The following EVI5 variants were observed in gnomAD, a reference collection of about 807,000 sequenced individuals.
EVI5 encodes ecotropic viral integration site 5.
EVI5 carries 73 observed loss-of-function variants against 112.0 expected under a neutral mutation model. The observed-to-expected ratio is 0.65, with a 90% CI of 0.54 to 0.79. EVI5 has a LOEUF of 0.79. Among genes scored for constraint, EVI5 ranks in the 30% least tolerant of loss-of-function variants. The pLI is 0.00. For missense variants in EVI5, 900 were observed against 968.8 expected (o/e 0.93, Z 0.94); for synonymous variants, 305 against 319.9 (o/e 0.95, Z 0.50).
At chr1:92,632,513 A>C (rs7521187) in intron 14 of EVI5, among the ~76,000 whole-genome samples, 109,448 of 151,692 alleles carry the variant, frequency 0.72, 40,297 homozygotes, top group East Asian at 0.94. Context: ...TCTGTGGGAT[A>C]GTTGGTGATA....
At chr1:92,612,695 A>G (rs1571884971) in intron 16 of EVI5, among the ~76,000 whole-genome samples, 4 of 145,974 alleles carry the variant, frequency 2.7e-5, no homozygotes. Flanking sequence ...GGGTGACAGA[A>G]TAAGACTCCA....
At chr1:92,747,887 T>A (rs1294864373) in intron 1 of EVI5, among the ~76,000 whole-genome samples, 18 of 152,084 alleles carry the variant, frequency 1.2e-4, no homozygotes, top group Admixed American at 1.0e-3. Context: ...ATGACCAGCA[T>A]TTCTTGGTTT....
intron 1 of EVI5, among the ~76,000 whole-genome samples, chr1:92,745,626 C>A (rs1036593962): frequency 6.6e-6 from 1 of 152,016 alleles, no homozygotes; most frequent in African/African-American, 2.4e-5. Flanking sequence ...CCAGCCTGGG[C>A]AACATAATGA....
intron 19 of EVI5, among the ~76,000 whole-genome samples, chr1:92,545,762 C>G (rs1217239114): frequency 2.0e-5 from 3 of 152,126 alleles, no homozygotes; most frequent in Non-Finnish European, 4.4e-5. Context: ...CTGAGCAGTG[C>G]AAGTCTCTCT....
chr1:92,694,161 C>T, intron 8 of EVI5, 138 bp downstream of exon 8: 1 of 619,074 alleles, frequency 1.6e-6, no homozygotes, highest in Non-Finnish European at 2.9e-6. Flanking sequence ...ACACAGAAGG[C>T]TGAAGCGGTA....
intron 17 of EVI5, 183 bp downstream of exon 17, chr1:92,607,398 C>A (rs1650658513): frequency 7.0e-6 from 3 of 425,746 alleles, no homozygotes; most frequent in Non-Finnish European, 1.2e-5. Context: ...GACTAAAATC[C>A]ACCCCAGAAG....
chr1:92,719,385 G>T (rs999803180), intron 2 of EVI5, among the ~76,000 whole-genome samples: 3 of 152,056 alleles, frequency 2.0e-5, no homozygotes, highest in African/African-American at 7.3e-5. Flanking sequence ...TGCAAGGCTG[G>T]TTCAACATAC....
intron 16 of EVI5, among the ~76,000 whole-genome samples, chr1:92,609,723 T>A (rs1017069687): frequency 5.3e-5 from 8 of 152,116 alleles, no homozygotes; most frequent in African/African-American, 1.9e-4. Context: ...CCTCGCCCTA[T>A]GAAAAAGACC....
chr1:92,672,293 C>T (rs1032693968), intron 10 of EVI5, among the ~76,000 whole-genome samples: 1 of 152,148 alleles, frequency 6.6e-6, no homozygotes, highest in Non-Finnish European at 1.5e-5. Flanking sequence ...TTACCACTGT[C>T]GACAACATCC....
At chr1:92,547,213 T>G (rs1008657606) in intron 19 of EVI5, among the ~76,000 whole-genome samples, 2 of 152,136 alleles carry the variant, frequency 1.3e-5, no homozygotes, top group African/African-American at 2.4e-5. Flanking sequence ...ACTGATCAAC[T>G]ACATGGAAAC....
At chr1:92,559,751 G>C (rs978663447) in intron 19 of EVI5, among the ~76,000 whole-genome samples, 1 of 110,918 alleles carries the variant, frequency 9.0e-6, no homozygotes, top group Non-Finnish European at 1.7e-5. Flanking sequence ...TCCAGCCTGG[G>C]AGACAGAGCA....
At chr1:92,632,565 T>C (rs1055947716) in intron 14 of EVI5, among the ~76,000 whole-genome samples, 4 of 152,172 alleles carry the variant, frequency 2.6e-5, no homozygotes, top group Admixed American at 2.6e-4. Flanking sequence ...GATTATTCTC[T>C]CTTTTCTTCT....
intron 18 of EVI5, among the ~76,000 whole-genome samples, chr1:92,572,833 T>C (rs1002965015): frequency 1.3e-5 from 2 of 152,064 alleles, no homozygotes; most frequent in African/African-American, 2.4e-5. Flanking sequence ...TATATGAATA[T>C]AAAGCTCATC....
At chr1:92,679,939 G>C (rs1426880177) in intron 9 of EVI5, among the ~76,000 whole-genome samples, 1 of 152,112 alleles carries the variant, frequency 6.6e-6, no homozygotes, top group East Asian at 1.9e-4. Flanking sequence ...TGTTGACCTT[G>C]ATCATCTGGC....
At chr1:92,759,587 A>T (rs938875792) in intron 1 of EVI5, among the ~76,000 whole-genome samples, 1 of 152,218 alleles carries the variant, frequency 6.6e-6, no homozygotes, top group African/African-American at 2.4e-5. Context: ...AAACTTTTTC[A>T]TCATCCCCAA....
intron 16 of EVI5, among the ~76,000 whole-genome samples, chr1:92,612,726 GA>G (rs11290213): frequency 0.45 from 49,808 of 109,616 alleles, 12,597 homozygotes; most frequent in East Asian, 0.74. Context: ...AAAAAAAAAG[GA>G]AAAAAAAAAA....
intron 19 of EVI5, among the ~76,000 whole-genome samples, chr1:92,521,804 G>A (rs1660984583): frequency 6.6e-6 from 1 of 151,948 alleles, no homozygotes; most frequent in Admixed American, 6.6e-5. Context: ...AAGCTTAACA[G>A]CATAAGAAAC....
intron 1 of EVI5, among the ~76,000 whole-genome samples, chr1:92,782,275 A>C (rs1684964467): frequency 6.6e-6 from 1 of 152,006 alleles, no homozygotes; most frequent in African/African-American, 2.4e-5. Flanking sequence ...AACAAACAAA[A>C]AACACACACA....
At chr1:92,599,711 A>G (rs900474082) in intron 18 of EVI5, among the ~76,000 whole-genome samples, 3 of 152,138 alleles carry the variant, frequency 2.0e-5, no homozygotes, top group Admixed American at 2.0e-4. Context: ...AAATACAGCA[A>G]TTTAGGAAGA....
Sources: allele counts gnomAD v4.1 joint callset (sites outside exome capture counted in the v4.1 genomes callset), GRCh38; gene constraint gnomAD v4.1.1; transcripts MANE v1.5; gene names NCBI Gene and HGNC (gene_info 2026-07-23, HGNC 2026-07-21).